BRINP2: variants seen among roughly 807,000 people sequenced by gnomAD.
BRINP2 encodes the protein BMP/retinoic acid inducible neural specific 2, also known as BMP/retinoic acid-inducible neural-specific protein 2.
A neutral mutation model predicts 69.2 loss-of-function variants in BRINP2; 21 were observed. The ratio of observed to expected loss-of-function variants is 0.30; its 90% CI spans 0.22 to 0.44. The LOEUF is 0.44. Ranked by LOEUF, BRINP2 falls within the 20% of genes least tolerant of loss-of-function variation. The pLI is 1.00. For synonymous variants in BRINP2, 380 were observed against 394.1 expected, an observed-to-expected ratio of 0.96 and a Z score of 0.42; for missense variants, 877 against 986.0, an observed-to-expected ratio of 0.89 and a Z score of 1.48.
chr1:177,232,827 A>G (rs1649904172), intron 2 of BRINP2, among the ~76,000 whole-genome samples: 1 of 151,864 alleles, frequency 6.6e-6, no homozygotes. Context: ...TTTGAAGGGG[A>G]AATACTGGGT....
chr1:177,199,005 G>C (rs1408191365), intron 1 of BRINP2, among the ~76,000 whole-genome samples: 1 of 152,070 alleles, frequency 6.6e-6, no homozygotes, highest in East Asian at 1.9e-4. Flanking sequence ...GCTTCATGTA[G>C]ACACTGCATT....
At chr1:177,177,216 G>T (rs1276816803) in intron 1 of BRINP2, among the ~76,000 whole-genome samples, 1 of 151,958 alleles carries the variant, frequency 6.6e-6, no homozygotes, top group African/African-American at 2.4e-5. Context: ...AGGAGGTGGA[G>T]GTTGCAGTGA....
intron 1 of BRINP2, among the ~76,000 whole-genome samples, chr1:177,218,032 C>T (rs967037540): frequency 2.0e-5 from 3 of 152,212 alleles, no homozygotes; most frequent in Admixed American, 6.5e-5. Flanking sequence ...TGAGATTTGC[C>T]TTCCTCCATG....
At chr1:177,258,012 G>T (rs910535677) in intron 4 of BRINP2, among the ~76,000 whole-genome samples, 4 of 152,196 alleles carry the variant, frequency 2.6e-5, no homozygotes, top group Non-Finnish European at 4.4e-5. Flanking sequence ...CTGGAGCCAG[G>T]TTATGTGCCA....
At chr1:177,201,924 C>T (rs1348814128) in intron 1 of BRINP2, among the ~76,000 whole-genome samples, 1 of 152,120 alleles carries the variant, frequency 6.6e-6, no homozygotes, top group Non-Finnish European at 1.5e-5. Flanking sequence ...CTGGTTTAGT[C>T]TTGGGAGAGT....
At chr1:177,194,612 A>C (rs1439746617) in intron 1 of BRINP2, among the ~76,000 whole-genome samples, 3 of 152,164 alleles carry the variant, frequency 2.0e-5, no homozygotes, top group African/African-American at 7.2e-5. Flanking sequence ...ATCTCCTTCT[A>C]TCCCCTTTTG....
chr1:177,200,107 C>A (rs1434972550), intron 1 of BRINP2, among the ~76,000 whole-genome samples: 1 of 151,778 alleles, frequency 6.6e-6, no homozygotes, highest in East Asian at 1.9e-4. Context: ...GCCTGGGCAA[C>A]ATGCTGAAAC....
intron 1 of BRINP2, among the ~76,000 whole-genome samples, chr1:177,215,176 CTA>C (rs1649339387): frequency 6.6e-6 from 1 of 152,104 alleles, no homozygotes; most frequent in African/African-American, 2.4e-5. Context: ...TGTATTTGGT[CTA>C]TGTCACTTAG....
chr1:177,279,816 A>G (rs1328363396), intron 7 of BRINP2, among the ~76,000 whole-genome samples: 1 of 152,250 alleles, frequency 6.6e-6, no homozygotes, highest in Non-Finnish European at 1.5e-5. Context: ...TCAGCTACTG[A>G]TAATTTTCAT....
intron 1 of BRINP2, among the ~76,000 whole-genome samples, chr1:177,198,190 A>G (rs1558155945): frequency 1.3e-5 from 2 of 152,224 alleles, no homozygotes; most frequent in Non-Finnish European, 2.9e-5. Context: ...AAATGTATGT[A>G]GAAATGTTCA....
intron 1 of BRINP2, among the ~76,000 whole-genome samples, chr1:177,218,127 CA>C (rs1361600475): frequency 5.3e-5 from 8 of 152,222 alleles, no homozygotes; most frequent in Admixed American, 5.2e-4. Context: ...TGCTTTTTGT[CA>C]GTATTTGCTA....
chr1:177,281,717 C>CGT lies in BRINP2; in HGVS notation c.*189_*190insGT, dbSNP rs1651710485. 1.6e-6 allele frequency: 1 copy of CGT among 615,702 alleles called. No homozygotes were observed. The highest frequency in any genetic ancestry group is 4.5e-4 in the Middle Eastern group (1 of 2,232). 38.1% of individuals were successfully genotyped at this position (615,702 alleles called of 1,614,324 possible). ...CAGCTACTGCGTGCGTGCGCGCACGCATACACACACACACACACACACTGG... is the reference window on the plus strand; with the variant it reads ...CAGCTACTGCGTGCGTGCGCGCACGCGTATACACACACACACACACACACTGG... On this transcript the variant is annotated 3_prime_UTR_variant, in exon 8 of 8. Coordinates refer to ENST00000361539, the MANE Select transcript of BRINP2 (RefSeq NM_021165.4).
At chr1:177,188,465 A>G (rs1487338880) in intron 1 of BRINP2, among the ~76,000 whole-genome samples, 2 of 152,198 alleles carry the variant, frequency 1.3e-5, no homozygotes, top group Non-Finnish European at 2.9e-5. Flanking sequence ...TATAGCAAAG[A>G]AAATTGGAGC....
intron 2 of BRINP2, among the ~76,000 whole-genome samples, chr1:177,245,083 T>A (rs1459519825): frequency 6.6e-6 from 1 of 152,152 alleles, no homozygotes; most frequent in East Asian, 1.9e-4. Flanking sequence ...TAGTGACAAT[T>A]TAAAAATATA....
At chr1:177,219,182 A>G (rs1649456001) in intron 1 of BRINP2, among the ~76,000 whole-genome samples, 1 of 152,160 alleles carries the variant, frequency 6.6e-6, no homozygotes, top group South Asian at 2.1e-4. Context: ...AAGGTTAATT[A>G]TGATATTCCA....
rs974798215 is a variant in BRINP2 at position 177,176,482 on chromosome 1, T to C, written c.-77+4750T>C. On this transcript the variant is annotated intron_variant, in intron 1 of 7. Coordinates refer to ENST00000361539, the MANE Select transcript of BRINP2 (RefSeq NM_021165.4). ...CTTTTTTATTTTTTAATGTGGCTACTAGAAAAGTTAAAATTATGTAAGTGG... is the reference window on the plus strand; with the variant it reads ...CTTTTTTATTTTTTAATGTGGCTACCAGAAAAGTTAAAATTATGTAAGTGG... Among the ~76,000 whole-genome samples, 11 of 150,736 alleles carry C rather than the reference T, an allele frequency of 7.3e-5. No individual in the cohort carries two copies. In the East Asian group the frequency reaches 1.9e-3, roughly 27 times the overall value.
intron 2 of BRINP2, among the ~76,000 whole-genome samples, chr1:177,241,611 T>G (rs957967271): frequency 1.3e-5 from 2 of 152,224 alleles, no homozygotes; most frequent in African/African-American, 4.8e-5. Context: ...GAAATTTATT[T>G]TGACATAAGG....
chr1:177,223,438 G>A (rs903790382), intron 1 of BRINP2, among the ~76,000 whole-genome samples: 3 of 152,142 alleles, frequency 2.0e-5, no homozygotes, highest in Non-Finnish European at 4.4e-5. Context: ...GGTCCGTCTT[G>A]TTCATGAGAT....
chr1:177,180,984 C>T (rs1353269445), intron 1 of BRINP2, among the ~76,000 whole-genome samples: 1 of 152,064 alleles, frequency 6.6e-6, no homozygotes, highest in Non-Finnish European at 1.5e-5. Context: ...GTGTGCCAGG[C>T]ACTATACTAG....
Sources: allele counts gnomAD v4.1 joint callset (sites outside exome capture counted in the v4.1 genomes callset), GRCh38; gene constraint gnomAD v4.1.1; transcripts MANE v1.5; gene names NCBI Gene and HGNC (gene_info 2026-07-23, HGNC 2026-07-21).